The following ANAPC2 variants were observed in gnomAD, a reference collection of about 807,000 sequenced individuals.
The protein encoded by ANAPC2 is anaphase promoting complex subunit 2.
ANAPC2 carries 29 observed loss-of-function variants against 84.3 expected under a neutral mutation model. The observed-to-expected ratio is 0.34, with a 90% CI of 0.26 to 0.47. The LOEUF (loss-of-function observed/expected upper bound fraction) is 0.47. ANAPC2 is among the 20% of genes least tolerant of loss of function. ANAPC2 has a pLI of 1.00. For missense variants in ANAPC2, 857 were observed against 1,131.7 expected (o/e 0.76, Z 3.48); for synonymous variants, 571 against 479.4 (o/e 1.19, Z -2.50).
rs761053045 is a variant in ANAPC2, at chr9:137,175,120, T to C, written c.2291A>G (p.Asn764Ser). The part of the protein sequence containing the change: ...FWTYIQAMLT[N>S]LESLSLDRIY... ...ACGATCCAGTGAGAGGCTCTCCAGG[T>C]TGGTCAGCATGGCCTGGATGTACGT... The change falls in exon 13 of 13, where the codon AAC (asparagine) becomes AGC (serine). Residue 764 changes from asparagine to serine, a missense_variant. Transcript: ENST00000323927. 1.2e-6 allele frequency: 2 copies of C among 1,609,232 alleles called. No homozygotes were observed. The highest frequency in any genetic ancestry group is 1.7e-6 in the Non-Finnish European group (2 of 1,178,414).
intron 10 of ANAPC2, 79 bp downstream of exon 10, chr9:137,180,102 C>G (rs1054072561): frequency 7.5e-6 from 11 of 1,467,704 alleles, no homozygotes; most frequent in Non-Finnish European, 1.0e-5. Flanking sequence ...GGGGCAGCCA[C>G]AGGCACCAGG....
chr9:137,183,624 G>C (rs747053571), intron 5 of ANAPC2, 48 bp downstream of exon 5: 2 of 1,582,154 alleles, frequency 1.3e-6, no homozygotes, highest in Non-Finnish European at 1.7e-6. Context: ...GGGTCCCCTG[G>C]TGAGTGTCTA....
intron 2 of ANAPC2, 128 bp downstream of exon 2, chr9:137,187,353 A>ACT: frequency 2.5e-6 from 3 of 1,220,692 alleles, no homozygotes; most frequent in South Asian, 1.5e-5. Context: ...AATCCCTGGG[A>ACT]CTCTCTCTCT....
chr9:137,182,851 C>T (rs1482151495), intron 6 of ANAPC2, among the ~76,000 whole-genome samples: 1 of 152,172 alleles, frequency 6.6e-6, no homozygotes. Flanking sequence ...GAGCTTCTCT[C>T]TGTGCTGGAG....
chr9:137,187,383 G>T, intron 2 of ANAPC2, 98 bp downstream of exon 2: 1 of 1,465,984 alleles, frequency 6.8e-7, no homozygotes, highest in Non-Finnish European at 9.1e-7. Context: ...CTGGTTATCA[G>T]GACGGCTCAC....
rs969090928 is a variant in ANAPC2 at position 137,174,880 on chromosome 9, C to A, written c.*62G>T. On this transcript the variant is annotated 3_prime_UTR_variant, in exon 13 of 13. Transcript: ENST00000323927. The surrounding 1 kb of genome is among the most constrained non-coding windows in gnomAD (Gnocchi z 6.1). ...GGACACGGGCGGGCGGGGGCTGGCA[C>A]GGGAGGACGAGAGCACCTGCAGGGC... The A allele has an allele frequency of 2.3e-6, 3 of 1,329,050 alleles. No homozygotes were observed. In the African/African-American group the frequency reaches 5.8e-5, roughly 26 times the overall value. The allele number at this position is 1,329,050 out of a possible 1,614,324, so 82.3% of individuals were successfully genotyped here.
chr9:137,187,409 G>A, intron 2 of ANAPC2, 72 bp downstream of exon 2: 1 of 1,527,334 alleles, frequency 6.5e-7, no homozygotes. Flanking sequence ...TTCTGCTGAG[G>A]CCAGCTGGAC....
Position 137,181,874 on chromosome 9 carries a change from A to G in ANAPC2, c.1287-12T>C. 1 of 1,596,634 alleles carries G rather than the reference A, an allele frequency of 6.3e-7. No homozygotes were observed. The highest frequency in any genetic ancestry group is 8.5e-7 in the Non-Finnish European group (1 of 1,176,140). On this transcript the variant is annotated splice_polypyrimidine_tract_variant and intron_variant, in intron 6 of 12. Transcript: ENST00000323927. ...TGTCCTCCCGCGTCCTGCCGATGTGAGTGCTGCTGTGGCCCACAGTGTGGA... is the reference window on the plus strand; with the variant it reads ...TGTCCTCCCGCGTCCTGCCGATGTGGGTGCTGCTGTGGCCCACAGTGTGGA...
chr9:137,185,916 G>A (rs917027060), intron 3 of ANAPC2, among the ~76,000 whole-genome samples: 3 of 152,214 alleles, frequency 2.0e-5, no homozygotes, highest in Non-Finnish European at 2.9e-5. Context: ...GATCCATTCA[G>A]TGGCTCCTCT....
chr9:137,184,849 C>T (rs576478095), intron 4 of ANAPC2, 64 bp downstream of exon 4: 104 of 1,576,070 alleles, frequency 6.6e-5, no homozygotes, highest in South Asian at 2.0e-4. Flanking sequence ...AGAGGAGACA[C>T]GGGGAAGGCC....
In ANAPC2 at chr9:137,188,028, G is replaced by T. The variant is rs147923598; in HGVS notation, c.193C>A (p.His65Asn). The part of the protein sequence containing the change: ...LRAAVEVLRG[H>N]GLHSVLEEWF... ...TCCTCCAGGACCGAGTGTAGCCCGT[G>T]GCCCCTCAGAACCTCCACCGCCGCC... The change falls in exon 2 of 13, where the codon CAC becomes AAC. Residue 65 changes from histidine to asparagine, a missense_variant. By Grantham distance (68) the His-to-Asn change is moderately conservative. Coordinates refer to ENST00000323927, the MANE Select transcript of ANAPC2 (RefSeq NM_013366.4). 3 of 1,613,806 alleles carry T rather than the reference G, an allele frequency of 1.9e-6. No individual in the cohort carries two copies. Among genetic ancestry groups the T allele is most frequent in the Non-Finnish European group, 2.5e-6 (3 of 1,180,030 alleles).
chr9:137,179,354 C>G (rs1195940512), intron 10 of ANAPC2, among the ~76,000 whole-genome samples: 1 of 152,074 alleles, frequency 6.6e-6, no homozygotes, highest in African/African-American at 2.4e-5. Flanking sequence ...CCTCCCCGAG[C>G]CGACACCTCC....
chr9:137,182,982 C>T (rs1340673581), intron 6 of ANAPC2, 143 bp downstream of exon 6: 2 of 652,992 alleles, frequency 3.1e-6, no homozygotes, highest in South Asian at 3.7e-5. Flanking sequence ...GAGCCTCGGG[C>T]CTGATCCCGT....
At chr9:137,185,225 G>T in intron 3 of ANAPC2, 138 bp from the exon 4 acceptor site, 1 of 913,588 alleles carries the variant, frequency 1.1e-6, no homozygotes, top group Non-Finnish European at 1.6e-6. Flanking sequence ...GCGTCTGGAG[G>T]CTGGAGCACA....
rs1449985664 is a variant in ANAPC2, at chr9:137,187,784, G to A, written c.437C>T (p.Ala146Val). 2 of 1,613,586 alleles carry A rather than the reference G, an allele frequency of 1.2e-6. No homozygotes were observed. The highest frequency in any genetic ancestry group is 8.5e-7 in the Non-Finnish European group (1 of 1,180,044). The change falls in exon 2 of 13, where the codon GCT (alanine) becomes GTT (valine). Residue 146 changes from alanine to valine, a missense_variant. Ala to Val is a moderately conservative substitution (Grantham distance 64). Coordinates refer to ENST00000323927, the MANE Select transcript of ANAPC2 (RefSeq NM_013366.4). ...GTGGACTTCTTCTCGCAGCCCCTGA[G>A]CACCAGTGCCCATCAGCAAGCCCAG... ...TRLGLLMGTG[A>V]QGLREEVHTM... is the part of the protein sequence containing the mutation.
intron 7 of ANAPC2, among the ~76,000 whole-genome samples, 157 bp from the exon 8 acceptor site, chr9:137,181,086 G>A (rs1834332140): frequency 6.6e-6 from 1 of 152,216 alleles, no homozygotes; most frequent in Admixed American, 6.5e-5. Context: ...GGGAGACCTG[G>A]AGTCAGGTCC....
chr9:137,188,499 T>TGTCCCCCTCCGCCACC lies in ANAPC2; in HGVS notation c.18_33dup (p.Ser12GlyfsTer84). ...AACTCCTGTCCGGGCCGGGAGTCGC[T>TGTCCCCCTCCGCCACC]GTCCCCCTCCGCCACCACAACTGCC... On this transcript the variant is annotated frameshift_variant, in exon 1 of 13. Transcript: ENST00000323927. LOFTEE classifies it high-confidence loss of function. 1 of 1,609,796 alleles carries TGTCCCCCTCCGCCACC rather than the reference T, an allele frequency of 6.2e-7. No homozygotes were observed. The highest frequency in any genetic ancestry group is 8.5e-7 in the Non-Finnish European group (1 of 1,179,468).
Sources: gnomAD v4.1 joint callset for allele counts (sites outside exome capture counted in the v4.1 genomes callset) on GRCh38, gnomAD v4.1.1 for gene constraint, Gnocchi (gnomAD v3.1) non-coding constraint, MANE v1.5 for transcripts, NCBI Gene and HGNC (gene_info 2026-07-23, HGNC 2026-07-21) for gene names.